Variants in TCF7 observed in about 807,000 individuals in gnomAD.
TCF7 encodes the protein transcription factor 7, also known as T-cell-factor-7.
In TCF7, 19 loss-of-function variants were observed where a neutral mutation model predicts 46.8. The observed-to-expected ratio is 0.41, with a 90% CI of 0.28 to 0.60. The LOEUF is 0.60. Ranked by LOEUF, TCF7 falls within the 20% of genes least tolerant of loss-of-function variation. The pLI is 0.35. For missense variants in TCF7, 547 were observed against 504.6 expected (o/e 1.08, Z -0.81); for synonymous variants, 245 against 213.4 (o/e 1.15, Z -1.29).
intron 3 of TCF7, among the ~76,000 whole-genome samples, chr5:134,133,894 G>A (rs372514063): frequency 1.3e-5 from 2 of 152,340 alleles, no homozygotes; most frequent in African/African-American, 2.4e-5. Flanking sequence ...ACATGCATAT[G>A]TACCAGGCCA....
rs1760167533 is a variant in TCF7 at position 134,143,370 on chromosome 5, C to A, written c.1027-222C>A. On this transcript the variant is annotated intron_variant, in intron 8 of 9. Transcript: ENST00000342854. ...AGGGGAGAAAGGGGTCTGGAAGTCA[C>A]CTCCTTCCATTCAAACTGGAGACCA... 3.8e-6 allele frequency: 3 copies of A among 785,888 alleles called. No individual in the cohort carries two copies. The African/African-American group carries it at 5.0e-5, about 13-fold the overall frequency. The allele number at this position is 785,888 out of a possible 1,614,324, so 48.7% of individuals were successfully genotyped here.
upstream of TCF7, among the ~76,000 whole-genome samples, chr5:134,113,135 A>G (rs906804968): frequency 6.6e-6 from 1 of 152,132 alleles, no homozygotes; most frequent in Non-Finnish European, 1.5e-5. Flanking sequence ...TTCCCCGCCA[A>G]TCCGGAGCAG....
At chr5:134,127,683 T>A (rs774349838) in intron 3 of TCF7, among the ~76,000 whole-genome samples, 55 of 152,342 alleles carry the variant, frequency 3.6e-4, no homozygotes, top group African/African-American at 1.3e-3. Context: ...CCAGCCCCAC[T>A]GGGGCACGTT....
upstream of TCF7, among the ~76,000 whole-genome samples, chr5:134,114,525 G>C (rs764175125): frequency 2.6e-5 from 4 of 152,054 alleles, no homozygotes; most frequent in Non-Finnish European, 5.9e-5. Flanking sequence ...TCCCAGGCTT[G>C]TCCGACGTCT....
intron 3 of TCF7, among the ~76,000 whole-genome samples, chr5:134,132,422 T>A (rs1758252662): frequency 6.6e-6 from 1 of 152,174 alleles, no homozygotes; most frequent in Non-Finnish European, 1.5e-5. Flanking sequence ...AGCATCCTGA[T>A]CTCTTGGGGG....
intron 3 of TCF7, among the ~76,000 whole-genome samples, chr5:134,126,207 G>T (rs1177230610): frequency 3.3e-5 from 5 of 152,360 alleles, no homozygotes; most frequent in Admixed American, 2.6e-4. Flanking sequence ...TGCTGGCTGG[G>T]TACAGCCAAG....
At chr5:134,123,986 C>T (rs890155658) in intron 3 of TCF7, among the ~76,000 whole-genome samples, 15 of 152,008 alleles carry the variant, frequency 9.9e-5, no homozygotes, top group African/African-American at 3.6e-4. Context: ...TCCCATCCTT[C>T]CATTTGACCC....
rs372859795 is a variant in TCF7 at position 134,146,453 on chromosome 5, C to T, written c.*150C>T. On this transcript the variant is annotated 3_prime_UTR_variant, in exon 10 of 10. Transcript: ENST00000342854. ...CAGCCTCCCAACCCCAGGGCCCCCA[C>T]AGGCCCCCCGCAGCACCCTGCAGAG... 2.2e-6 allele frequency: 2 copies of T among 903,072 alleles called. No individual in the cohort carries two copies. Among genetic ancestry groups the T allele is most frequent in the South Asian group, 1.3e-5 (1 of 74,644 alleles). 55.9% of individuals were successfully genotyped at this position (903,072 alleles called of 1,614,324 possible). A position where few individuals can be genotyped will look rare whatever the true frequency, so the allele number is the denominator to read the frequency against.
In TCF7 at chr5:134,138,846, C is replaced by A. The variant is rs888668030; in HGVS notation, c.548-105C>A. On this transcript the variant is annotated intron_variant, in intron 4 of 9. Transcript: ENST00000342854. Reference sequence around the variant, plus strand: ...GTTTATGTCTGGTCCTCTAGCAAAGCTGGTGGGATCTTAAGGCCCCTGTAG... The same window carrying A: ...GTTTATGTCTGGTCCTCTAGCAAAGATGGTGGGATCTTAAGGCCCCTGTAG... 11 of 1,515,774 alleles carry A rather than the reference C, an allele frequency of 7.3e-6. No homozygotes were observed. In the African/African-American group the frequency reaches 8.3e-5, roughly 11 times the overall value. 93.9% of individuals were successfully genotyped at this position (1,515,774 alleles called of 1,614,324 possible).
intron 3 of TCF7, among the ~76,000 whole-genome samples, chr5:134,120,329 G>A (rs561082785): frequency 1.1e-4 from 16 of 152,252 alleles, no homozygotes; most frequent in African/African-American, 3.4e-4. Flanking sequence ...CAGGCTTCAC[G>A]TAGCAGCCAC....
chr5:134,133,750 C>G (rs1758470299), intron 3 of TCF7, among the ~76,000 whole-genome samples: 1 of 152,214 alleles, frequency 6.6e-6, no homozygotes, highest in African/African-American at 2.4e-5. Flanking sequence ...TGCCCCACCC[C>G]TGCCCATCCA....
rs1580914424 is a variant in TCF7 at position 134,146,874 on chromosome 5, A to C, written c.*571A>C. 3.3e-6 allele frequency: 1 copy of C among 305,098 alleles called. No homozygotes were observed. The highest frequency in any genetic ancestry group is 6.1e-6 in the Non-Finnish European group (1 of 163,236). The allele number at this position is 305,098 out of a possible 1,614,324, so 18.9% of individuals were successfully genotyped here. On this transcript the variant is annotated 3_prime_UTR_variant, in exon 10 of 10. Transcript: ENST00000342854. Reference sequence around the variant, plus strand: ...TGAACTGAGCCTAGCTACCTTCTCTACCCATCTCCCCCATCCCCCACTGCC... The same window carrying C: ...TGAACTGAGCCTAGCTACCTTCTCTCCCCATCTCCCCCATCCCCCACTGCC...
At chr5:134,137,211 G>A (rs1281322115) in intron 3 of TCF7, among the ~76,000 whole-genome samples, 1 of 152,186 alleles carries the variant, frequency 6.6e-6, no homozygotes, top group Non-Finnish European at 1.5e-5. Flanking sequence ...ATCACTTGAG[G>A]TCAGGAGTTT....
Position 134,146,860 on chromosome 5 carries a change from T to G in TCF7, c.*557T>G, listed in dbSNP as rs1329976179. 2.4e-5 allele frequency: 8 copies of G among 336,602 alleles called. No homozygotes were observed. The highest frequency in any genetic ancestry group is 4.4e-5 in the Non-Finnish European group (8 of 182,320). The allele number at this position is 336,602 out of a possible 1,614,324, so 20.9% of individuals were successfully genotyped here. On this transcript the variant is annotated 3_prime_UTR_variant, in exon 10 of 10. Transcript: ENST00000342854. ...GGTCAGAGATGGGCTGAACTGAGCC[T>G]AGCTACCTTCTCTACCCATCTCCCC...
upstream of TCF7, among the ~76,000 whole-genome samples, chr5:134,110,752 G>C (rs551441910): frequency 6.6e-6 from 1 of 152,326 alleles, no homozygotes; most frequent in Admixed American, 6.5e-5. Context: ...AATCCATCTG[G>C]GGCTCCTTTG....
At chr5:134,134,600 G>A (rs1372468678) in intron 3 of TCF7, among the ~76,000 whole-genome samples, 3 of 152,184 alleles carry the variant, frequency 2.0e-5, no homozygotes, top group Admixed American at 2.0e-4. Context: ...ACTTTAACAG[G>A]CCCTTGGCTC....
At chr5:134,108,514 C>A in the TCF7 span, among the ~76,000 whole-genome samples, 1 of 152,172 alleles carries the variant, frequency 6.6e-6, no homozygotes, top group Non-Finnish European at 1.5e-5. Context: ...TCCCCTACTA[C>A]CCCTGTTGTC....
chr5:134,115,306 C>T lies in TCF7; in HGVS notation c.250-15C>T, dbSNP rs1290878295. The T allele has an allele frequency of 3.2e-6, 5 of 1,563,208 alleles. No individual in the cohort carries two copies. In the African/African-American group the frequency reaches 6.9e-5, roughly 22 times the overall value. On this transcript the variant is annotated splice_polypyrimidine_tract_variant and intron_variant, in intron 1 of 9. Transcript: ENST00000342854. Reference sequence around the variant, plus strand: ...GGTCCCACCGCCCCTCACTCCCCTCCGGTTCTCCCTCCAGGCTCTCGGGCG... The same window carrying T: ...GGTCCCACCGCCCCTCACTCCCCTCTGGTTCTCCCTCCAGGCTCTCGGGCG...
At chr5:134,127,110 G>A (rs542497061) in intron 3 of TCF7, among the ~76,000 whole-genome samples, 3 of 152,224 alleles carry the variant, frequency 2.0e-5, no homozygotes, top group Admixed American at 6.5e-5. Context: ...GGGGCACTGC[G>A]GGCCAAGAAG....
Sources: gnomAD v4.1 joint callset for allele counts (sites outside exome capture counted in the v4.1 genomes callset) on GRCh38, gnomAD v4.1.1 for gene constraint, MANE v1.5 for transcripts, NCBI Gene and HGNC (gene_info 2026-07-23, HGNC 2026-07-21) for gene names.